The following PIK3CD variants were observed in gnomAD, a reference collection of about 807,000 sequenced individuals.
The protein encoded by PIK3CD is phosphatidylinositol-4,5-bisphosphate 3-kinase catalytic subunit delta, also known as phosphatidylinositol 4,5-bisphosphate 3-kinase catalytic subunit delta isoform.
Under a neutral mutation model 122.9 loss-of-function variants are expected in PIK3CD, and 20 were observed. The ratio of observed to expected loss-of-function variants is 0.16; its 90% CI spans 0.11 to 0.24. PIK3CD has a LOEUF of 0.24. Ranked by LOEUF, PIK3CD falls within the 10% of genes least tolerant of loss-of-function variation. The pLI, the probability that PIK3CD is intolerant of heterozygous loss-of-function variation, is 1.00. For missense variants in PIK3CD, 787 were observed against 1,406.3 expected (o/e 0.56, Z 7.04); for synonymous variants, 596 against 593.4 (o/e 1.00, Z -0.06).
rs527500515 is a variant in PIK3CD, at chr1:9,689,206, T to C, written c.-137-2261T>C. Among the ~76,000 whole-genome samples the C allele has an allele frequency of 1.8e-3, 272 of 152,270 alleles. No homozygotes were observed. Among genetic ancestry groups the C allele is most frequent in the Admixed American group, 4.2e-3 (65 of 15,306 alleles). ...TTTGCAGGTGGCGCTTTCTATTTAT[T>C]GATTGTAAGGTGAAACCTAGGCCAG... On this transcript the variant is annotated intron_variant, in intron 1 of 23. Transcript: ENST00000377346. This position sits in a 1 kb window ranked among gnomAD's most constrained non-coding sequence, Gnocchi z 6.1.
chr1:9,642,232 C>T, the PIK3CD span, among the ~76,000 whole-genome samples: 3 of 151,950 alleles, frequency 2.0e-5, no homozygotes, highest in African/African-American at 7.2e-5. Flanking sequence ...GGTGCCTCAG[C>T]CTCCTGAGTA....
intron 1 of PIK3CD, chr1:9,654,458 G>A (rs1472886677): frequency 1.7e-6 from 2 of 1,156,240 alleles, no homozygotes; most frequent in East Asian, 5.6e-5. Context: ...GGGCTTACAG[G>A]ACAGACAGTC....
chr1:9,722,836 C>T lies in PIK3CD; in HGVS notation c.2426+230C>T, dbSNP rs923861580. Among the ~76,000 whole-genome samples, 2 of 152,128 alleles carry T rather than the reference C, an allele frequency of 1.3e-5. No homozygotes were observed. The highest frequency in any genetic ancestry group is 4.8e-5 in the African/African-American group (2 of 41,432). ...ACCCTGCTCTGTTGCTTTAGTTGCC[C>T]AGGTGCCCCTGGCTTCCCCAGCCCA... On this transcript the variant is annotated intron_variant, in intron 19 of 23. Transcript: ENST00000377346. The surrounding 1 kb of genome is among the most constrained non-coding windows in gnomAD (Gnocchi z 7.6).
At chr1:9,663,163 T>C (rs1439660983) in intron 1 of PIK3CD, among the ~76,000 whole-genome samples, 1 of 152,190 alleles carries the variant, frequency 6.6e-6, no homozygotes, top group East Asian at 1.9e-4. Context: ...GCATTTGCAC[T>C]TTCCACTGGG....
At position 9,724,695 on chromosome 1, in the gene PIK3CD, A is replaced by T. The variant is rs1215476584; in HGVS notation, c.2865-109A>T. ...GGAGGCCTTGTGTCCACCCATTATC[A>T]GGGCAAGGGCAGGTGTCCTTGGGGA... On this transcript the variant is annotated intron_variant, in intron 22 of 23. Coordinates refer to ENST00000377346, the MANE Select transcript of PIK3CD (RefSeq NM_005026.5). The surrounding 1 kb of genome is among the most constrained non-coding windows in gnomAD (Gnocchi z 7.3). 1.1e-5 allele frequency: 16 copies of T among 1,422,476 alleles called. No homozygotes were observed. In the Admixed American group the frequency reaches 2.7e-4, roughly 24 times the overall value. 88.1% of individuals were successfully genotyped at this position (1,422,476 alleles called of 1,614,324 possible).
In PIK3CD at chr1:9,717,003, C is replaced by G. The variant is rs149175819; in HGVS notation, c.825C>G (p.Thr275=). The stretch of plus-strand genomic sequence containing the variant: ...ACAGTGGGTTGACCCCTCACCTGAC[C>G]ATGGTCCATTCCTCCTCCATCCTCG... ...CLHSGLTPHL[T]MVHSSSILAM... is the part of the protein sequence containing the mutation. The change falls in exon 7 of 24, where the codon ACC becomes ACG. Residue 275 remains threonine (T), a synonymous_variant. Transcript: ENST00000377346. The surrounding 1 kb of genome is among the most constrained non-coding windows in gnomAD (Gnocchi z 5.4). 5.9e-5 allele frequency: 96 copies of G among 1,613,900 alleles called. No homozygotes were observed. In the African/African-American group the frequency reaches 1.3e-3, roughly 21 times the overall value.
intron 1 of PIK3CD, among the ~76,000 whole-genome samples, chr1:9,686,763 T>A (rs1056913895): frequency 6.6e-6 from 1 of 152,240 alleles, no homozygotes; most frequent in African/African-American, 2.4e-5. Flanking sequence ...GAACAAAGAA[T>A]CAGAGACTGG....
At chr1:9,679,885 C>T (rs894497214) in intron 1 of PIK3CD, among the ~76,000 whole-genome samples, 3 of 152,138 alleles carry the variant, frequency 2.0e-5, no homozygotes, top group Non-Finnish European at 2.9e-5. Flanking sequence ...AGTGCAGTGG[C>T]GTGATCTCGG....
chr1:9,729,011 C>T lies in PIK3CD; in HGVS notation c.*1965C>T, dbSNP rs1469669161. Reference sequence around the variant, plus strand: ...ACCAAAACAGGAGAGAAGACAAACCCCGCTCCGGCTGGAGTTAGTTAGAAC... The same window carrying T: ...ACCAAAACAGGAGAGAAGACAAACCTCGCTCCGGCTGGAGTTAGTTAGAAC... On this transcript the variant is annotated 3_prime_UTR_variant, in exon 24 of 24. Transcript: ENST00000377346. The T allele has an allele frequency of 6.6e-6, 1 of 152,170 alleles. No homozygotes were observed. The highest frequency in any genetic ancestry group is 1.9e-4 in the East Asian group (1 of 5,198). The allele number at this position is 152,170 out of a possible 1,614,324, so 9.4% of individuals were successfully genotyped here.
rs552997232 is a variant in PIK3CD, at chr1:9,709,695, C to T, written c.-32-729C>T. 1.1e-4 allele frequency among the ~76,000 whole-genome samples: 17 copies of T among 151,040 alleles called. No individual in the cohort carries two copies. The South Asian group carries it at 2.3e-3, about 20-fold the overall frequency. ...CTCCAGCTGGGGCAACAGAGTGAGA[C>T]CCTGTTTCAAAAAAAAAAATCTATT... On this transcript the variant is annotated intron_variant, in intron 2 of 23. Transcript: ENST00000377346.
At chr1:9,641,510 G>A in the PIK3CD span, among the ~76,000 whole-genome samples, 2 of 152,164 alleles carry the variant, frequency 1.3e-5, no homozygotes, top group African/African-American at 4.8e-5. Context: ...TGAACCCTAG[G>A]TAGCCTGGGT....
Position 9,723,382 on chromosome 1 carries a change from G to C in PIK3CD, c.2594+90G>C. 2 of 1,382,254 alleles carry C rather than the reference G, an allele frequency of 1.4e-6. No homozygotes were observed. Among genetic ancestry groups the C allele is most frequent in the South Asian group, 2.3e-5 (2 of 85,726 alleles). 85.6% of individuals were successfully genotyped at this position (1,382,254 alleles called of 1,614,324 possible). On this transcript the variant is annotated intron_variant, in intron 20 of 23. Transcript: ENST00000377346. This position sits in a 1 kb window ranked among gnomAD's most constrained non-coding sequence, Gnocchi z 4.9. ...GCCTGTCAGAACAAAGGAGCGGGGA[G>C]GGGCCTCAGACCATCTTTGTGGCTA... is the stretch of plus-strand genomic sequence containing the variant.
Position 9,716,529 on chromosome 1 carries a change from GCC to G in PIK3CD, c.691_692del (p.Pro231AlafsTer17). On this transcript the variant is annotated frameshift_variant, in exon 6 of 24. Transcript: ENST00000377346. LOFTEE classifies it high-confidence loss of function. ...GGAAGAAGGCCACAGTGTTCCGGCA[GCC>G]GCTGGTGGAGCAGCCGGAAGACTAC... ...LRKKATVFRQ[P>X]LVEQPEDYTL... The G allele has an allele frequency of 6.2e-7, 1 of 1,609,404 alleles. No individual in the cohort carries two copies. Among genetic ancestry groups the G allele is most frequent in the Non-Finnish European group, 8.5e-7 (1 of 1,179,408 alleles).
In PIK3CD at chr1:9,726,787, G is replaced by T. The variant is rs12037599; in HGVS notation, c.2998-122G>T. On this transcript the variant is annotated intron_variant, in intron 23 of 23. Transcript: ENST00000377346. ...GGGAGCGGAATAGAGAGCTTTTCCTGAGATGCTGGGAGCTCTCTACTAACC... is the reference window on the plus strand; with the variant it reads ...GGGAGCGGAATAGAGAGCTTTTCCTTAGATGCTGGGAGCTCTCTACTAACC... 2.4e-6 allele frequency: 3 copies of T among 1,256,926 alleles called. No individual in the cohort carries two copies. In the African/African-American group the frequency reaches 4.5e-5, roughly 19 times the overall value. The allele number at this position is 1,256,926 out of a possible 1,614,324, so 77.9% of individuals were successfully genotyped here.
intron 1 of PIK3CD, among the ~76,000 whole-genome samples, chr1:9,674,786 C>A (rs1367450521): frequency 6.6e-6 from 1 of 151,662 alleles, no homozygotes; most frequent in Non-Finnish European, 1.5e-5. Flanking sequence ...AATCCCAGCA[C>A]TTTGGAAGGC....
At chr1:9,675,042 GAGAGAGAA>G (rs1339569845) in intron 1 of PIK3CD, among the ~76,000 whole-genome samples, 2 of 145,766 alleles carry the variant, frequency 1.4e-5, no homozygotes, top group East Asian at 4.0e-4. Context: ...AAAAAAGAGA[GAGAGAGAA>G]AGAAAGAAAG....
rs1648928360 is a variant in PIK3CD, at chr1:9,722,973, C to T, written c.2427-152C>T. ...CCTCAGATGCTGGTGCCGGCATCTC[C>T]AAGGAGCCAGCATCTCTCACCTGCT... On this transcript the variant is annotated intron_variant, in intron 19 of 23. Transcript: ENST00000377346. This position sits in a 1 kb window ranked among gnomAD's most constrained non-coding sequence, Gnocchi z 7.6. 2.5e-6 allele frequency: 2 copies of T among 801,552 alleles called. No homozygotes were observed. Among genetic ancestry groups the T allele is most frequent in the South Asian group, 1.4e-5 (1 of 72,436 alleles). The allele number at this position is 801,552 out of a possible 1,614,324, so 49.7% of individuals were successfully genotyped here. A position where few individuals can be genotyped will look rare whatever the true frequency, so the allele number is the denominator to read the frequency against.
intron 1 of PIK3CD, among the ~76,000 whole-genome samples, chr1:9,658,404 G>C (rs1426075834): frequency 7.9e-6 from 1 of 126,546 alleles, no homozygotes; most frequent in African/African-American, 3.1e-5. Flanking sequence ...AAAAAAAAAA[G>C]TCATTTATGT....
In PIK3CD at chr1:9,654,071, T is replaced by C. The variant is rs114308021; in HGVS notation, c.-138+2269T>C. 12 of 1,204,936 alleles carry C rather than the reference T, an allele frequency of 1.0e-5. No individual in the cohort carries two copies. The African/African-American group carries it at 1.6e-4, about 16-fold the overall frequency. 74.6% of individuals were successfully genotyped at this position (1,204,936 alleles called of 1,614,324 possible). On this transcript the variant is annotated intron_variant, in intron 1 of 23. Coordinates refer to ENST00000377346, the MANE Select transcript of PIK3CD (RefSeq NM_005026.5). Reference sequence around the variant, plus strand: ...GGGTGACAGAGCAAGAGCCCATCTCTGAGAAACATAATACAACAACCCAGT... The same window carrying C: ...GGGTGACAGAGCAAGAGCCCATCTCCGAGAAACATAATACAACAACCCAGT...
Sources: gnomAD v4.1 joint callset for allele counts (sites outside exome capture counted in the v4.1 genomes callset) on GRCh38, gnomAD v4.1.1 for gene constraint, Gnocchi (gnomAD v3.1) non-coding constraint, MANE v1.5 for transcripts, NCBI Gene and HGNC (gene_info 2026-07-23, HGNC 2026-07-21) for gene names.